Variants in NBPF26 observed in about 807,000 individuals in gnomAD.
NBPF26 encodes NBPF family member NBPF26.
In NBPF26, 79 loss-of-function variants were observed where a neutral mutation model predicts 119.6. The ratio of observed to expected loss-of-function variants is 0.66; its 90% confidence interval spans 0.55 to 0.80. NBPF26 has a LOEUF of 0.80. NBPF26 is among the 30% of genes least tolerant of loss of function. The pLI is 0.00. For synonymous variants in NBPF26, 299 were observed against 457.7 expected (o/e 0.65, Z 4.43); for missense variants, 800 against 1,198.2 (o/e 0.67, Z 4.91).
chr1:120,770,451 G>T (rs1201140398), intron 2 of NBPF26, among the ~76,000 whole-genome samples: 1 of 112,724 alleles, frequency 8.9e-6, no homozygotes, highest in Non-Finnish European at 1.7e-5. Flanking sequence ...TTACAGGCGT[G>T]AGCCACCACA....
chr1:120,822,671 C>T lies in NBPF26; in HGVS notation c.2587+404C>T, dbSNP rs1652144903. Among the ~76,000 whole-genome samples, 2 of 105,606 alleles carry T rather than the reference C, an allele frequency of 1.9e-5. 1 individual carries two copies. The highest frequency in any genetic ancestry group is 9.9e-5 in the African/African-American group (2 of 20,168). The allele number at this position is 105,606 out of a possible 152,430, so 69.3% of individuals were successfully genotyped here. ...AAAGCATGTCTGTGTGGTTCTTTAC[C>T]TGCCCAAGGCCAGTGTCACCCTTGT... is the stretch of plus-strand genomic sequence containing the variant. On this transcript the variant is annotated intron_variant, in intron 16 of 29. Coordinates refer to ENST00000620612, the Ensembl canonical transcript of NBPF26.
intron 1 of NBPF26, among the ~76,000 whole-genome samples, chr1:120,743,703 C>A (rs1650955124): frequency 9.4e-6 from 1 of 106,210 alleles, no homozygotes. Flanking sequence ...GCTGTGGGAC[C>A]TTGTTCATTT....
Position 120,793,685 on chromosome 1 carries a change from T to C in NBPF26, c.751+189T>C, listed in dbSNP as rs1341029357. On this transcript the variant is annotated intron_variant, in intron 4 of 29. Coordinates refer to ENST00000620612, the Ensembl canonical transcript of NBPF26. ...GGTCCATAAACTGAGCAGGGGATAA[T>C]TTAGCATGTCAGGGTTTATGATGAT... 1.5e-5 allele frequency: 9 copies of C among 620,356 alleles called. 2 individuals are homozygous for C. Among genetic ancestry groups the C allele is most frequent in the Non-Finnish European group, 2.6e-5 (9 of 349,964 alleles). 38.4% of individuals were successfully genotyped at this position (620,356 alleles called of 1,614,324 possible). A position where few individuals can be genotyped will look rare whatever the true frequency, so the allele number is the denominator to read the frequency against.
At position 120,811,394 on chromosome 1, in the gene NBPF26, A is replaced by G. The variant is rs1429512762; in HGVS notation, c.1565-492A>G. Among the ~76,000 whole-genome samples the G allele has an allele frequency of 6.4e-5, 7 of 108,830 alleles. 2 individuals carry two copies. Among genetic ancestry groups the G allele is most frequent in the Non-Finnish European group, 1.2e-4 (7 of 56,914 alleles). 71.4% of individuals were successfully genotyped at this position (108,830 alleles called of 152,430 possible). A position where few individuals can be genotyped will look rare whatever the true frequency, so the allele number is the denominator to read the frequency against. ...AACCCCATCTCTACTAAAAATACAA[A>G]AATTAGCTGGCATGTTACTTGGCGC... is the stretch of plus-strand genomic sequence containing the variant. On this transcript the variant is annotated intron_variant, in intron 9 of 29. Coordinates refer to ENST00000620612, the Ensembl canonical transcript of NBPF26.
In NBPF26 at chr1:120,793,325, C is replaced by T. The variant is rs1651514701; in HGVS notation, c.580C>T (p.His194Tyr). 5.0e-6 allele frequency: 7 copies of T among 1,404,384 alleles called. 1 individual carries two copies. In the South Asian group the frequency reaches 8.5e-5, roughly 17 times the overall value. The allele number at this position is 1,404,384 out of a possible 1,614,324, so 87.0% of individuals were successfully genotyped here. A position where few individuals can be genotyped will look rare whatever the true frequency, so the allele number is the denominator to read the frequency against. The change falls in exon 4 of 30, where the codon CAT (histidine) becomes TAT (tyrosine). Residue 194 changes from histidine to tyrosine, a missense_variant. This residue lies in a region of NBPF26 where 209 missense variants were observed against 285.2 expected (regional missense o/e 0.73). Coordinates refer to ENST00000620612, the Ensembl canonical transcript of NBPF26. ...GTGTGACATTCCAGGACACTGCCAG[C>T]ATGGTGGCACCTGCCTCAACCTGCC... is the stretch of plus-strand genomic sequence containing the variant.
chr1:120,840,709 G>C, downstream of NBPF26: 9 of 1,240,290 alleles, frequency 7.3e-6, 1 homozygote, highest in Non-Finnish European at 9.8e-6. Flanking sequence ...GGTTCAGTGG[G>C]CATGGCTCTA....
Position 120,791,548 on chromosome 1 carries a change from C to CA in NBPF26, c.416-1607dup, listed in dbSNP as rs1261288575. Among the ~76,000 whole-genome samples the CA allele has an allele frequency of 2.0e-4, 13 of 64,792 alleles. 2 individuals carry two copies. Among genetic ancestry groups the CA allele is most frequent in the African/African-American group, 4.5e-4 (3 of 6,702 alleles). The allele number at this position is 64,792 out of a possible 152,430, so 42.5% of individuals were successfully genotyped here. On this transcript the variant is annotated intron_variant, in intron 3 of 29. Transcript: ENST00000620612. ...CATTCTCAGCAAACTATTGCAAGGACAAAAAACCAAACACCGCATGTTCTC... is the reference window on the plus strand; with the variant it reads ...CATTCTCAGCAAACTATTGCAAGGACAAAAAAACCAAACACCGCATGTTCTC...
intron 1 of NBPF26, among the ~76,000 whole-genome samples, chr1:120,758,876 T>A: frequency 1.3e-5 from 1 of 78,912 alleles, no homozygotes; most frequent in Non-Finnish European, 2.2e-5. Context: ...GCATACCTCC[T>A]CAGGGAGGCC....
Position 120,840,455 on chromosome 1 carries a change from C to G in NBPF26, c.4209C>G (p.Phe1403Leu). Residue 1403 changes from phenylalanine to leucine, a missense_variant, in exon 30 of 30, where the codon TTC (phenylalanine) becomes TTG (leucine). By Grantham distance (22) the Phe-to-Leu change is conservative. Transcript: ENST00000620612. ...TGTACTTTGAACTACCTGACTCATT[C>G]CAGCACTACAGAAGTGTGTTTTACT... The G allele has an allele frequency of 2.7e-6, 4 of 1,476,988 alleles. 1 individual carries two copies. Among genetic ancestry groups the G allele is most frequent in the Non-Finnish European group, 3.7e-6 (4 of 1,091,020 alleles). The allele number at this position is 1,476,988 out of a possible 1,614,324, so 91.5% of individuals were successfully genotyped here. A position where few individuals can be genotyped will look rare whatever the true frequency, so the allele number is the denominator to read the frequency against.
Position 120,794,563 on chromosome 1 carries a change from A to T in NBPF26, c.751+1067A>T, listed in dbSNP as rs1651536357. Among the ~76,000 whole-genome samples the T allele has an allele frequency of 3.1e-5, 3 of 95,622 alleles. 1 individual carries two copies. The highest frequency in any genetic ancestry group is 2.1e-4 in the Admixed American group (2 of 9,580). 62.7% of individuals were successfully genotyped at this position (95,622 alleles called of 152,430 possible). On this transcript the variant is annotated intron_variant, in intron 4 of 29. Transcript: ENST00000620612. ...TTCTGGTATTGTGGATATGGTTCAC[A>T]TATAATGGGATTGTGTGTTTTATTT... is the stretch of plus-strand genomic sequence containing the variant.
chr1:120,838,474 C>T (rs1652446153), intron 27 of NBPF26, among the ~76,000 whole-genome samples: 1 of 62,194 alleles, frequency 1.6e-5, no homozygotes, highest in Non-Finnish European at 3.0e-5. Context: ...GTCACCTGGA[C>T]AATTCACTGA....
rs1367819031 is a variant in NBPF26 at position 120,810,818 on chromosome 1, G to T, written c.1564+260G>T. Among the ~76,000 whole-genome samples, 2 of 110,372 alleles carry T rather than the reference G, an allele frequency of 1.8e-5. 1 individual carries two copies. Among genetic ancestry groups the T allele is most frequent in the African/African-American group, 1.1e-4 (2 of 18,614 alleles). The allele number at this position is 110,372 out of a possible 152,430, so 72.4% of individuals were successfully genotyped here. ...GAATACAAAAAATTAGGCAGGCATG[G>T]TGCTGCATGCCTATAGTCCCAACTG... On this transcript the variant is annotated intron_variant, in intron 9 of 29. Coordinates refer to ENST00000620612, the Ensembl canonical transcript of NBPF26.
intron 7 of NBPF26, among the ~76,000 whole-genome samples, chr1:120,809,116 TAGTA>T (rs1365626672): frequency 4.2e-4 from 52 of 123,122 alleles, no homozygotes; most frequent in African/African-American, 2.0e-3. Context: ...GCAATGTTCT[TAGTA>T]AGTGTCAGTG....
rs1201295078 is a variant in NBPF26, at chr1:120,755,656, AC to A, written c.74-7971del. Among the ~76,000 whole-genome samples, 3 of 92,378 alleles carry A rather than the reference AC, an allele frequency of 3.2e-5. No individual in the cohort carries two copies. The East Asian group carries it at 7.5e-4, about 23-fold the overall frequency. The allele number at this position is 92,378 out of a possible 152,430, so 60.6% of individuals were successfully genotyped here. A position where few individuals can be genotyped will look rare whatever the true frequency, so the allele number is the denominator to read the frequency against. On this transcript the variant is annotated intron_variant, in intron 1 of 29. Transcript: ENST00000620612. ...AAAATTATTCTAGATTTATCAGCTA[AC>A]TGGAATGATTTTTTTATAGTATGAA...
At position 120,840,377 on chromosome 1, in the gene NBPF26, A is replaced by T. The variant is rs1553273430; in HGVS notation, c.4131A>T (p.Glu1377Asp). The change falls in exon 30 of 30, where the codon GAA (glutamate) becomes GAT (aspartate). Residue 1377 changes from glutamate (E) to aspartate (D), a missense_variant. Physicochemically the swap from Glu to Asp is conservative, Grantham distance 45 (BLOSUM62 2). This residue lies in a region of NBPF26 where 155 missense variants were observed against 95.9 expected (regional missense o/e 1.62). Coordinates refer to ENST00000620612, the Ensembl canonical transcript of NBPF26. Reference sequence around the variant, plus strand: ...TCAACAGCATGCTGATGGAAGTGGAAGAGCCTGAAGTCTTGCAGGACTCAC... The same window carrying T: ...TCAACAGCATGCTGATGGAAGTGGATGAGCCTGAAGTCTTGCAGGACTCAC... 1.1e-4 allele frequency: 159 copies of T among 1,460,832 alleles called. 33 individuals are homozygous for T. Among genetic ancestry groups the T allele is most frequent in the Non-Finnish European group, 1.4e-4 (156 of 1,085,328 alleles). The allele number at this position is 1,460,832 out of a possible 1,614,324, so 90.5% of individuals were successfully genotyped here.
At chr1:120,778,105 G>A (rs1410264930) in intron 2 of NBPF26, among the ~76,000 whole-genome samples, 1 of 85,300 alleles carries the variant, frequency 1.2e-5, no homozygotes, top group Non-Finnish European at 2.1e-5. Flanking sequence ...GAGTAGGGGG[G>A]CAGGAAACTA....
chr1:120,820,458 A>ATATATATGTATATATATATG (rs1652108284), intron 15 of NBPF26, among the ~76,000 whole-genome samples: 7 of 17,938 alleles, frequency 3.9e-4, no homozygotes, highest in African/African-American at 1.4e-3. Context: ...ATATATATAT[A>ATATATATGTATATATATATG]TATATATATA....
chr1:120,841,913 A>G (rs1474287306), downstream of NBPF26, among the ~76,000 whole-genome samples: 1 of 43,396 alleles, frequency 2.3e-5, no homozygotes, highest in East Asian at 4.5e-4. Flanking sequence ...TAAACATTTT[A>G]TCATTTATTA....
At chr1:120,832,712 T>C (rs1652371267) in intron 22 of NBPF26, among the ~76,000 whole-genome samples, 163 bp from the exon 27 acceptor site, 2 of 119,882 alleles carry the variant, frequency 1.7e-5, no homozygotes, top group African/African-American at 9.4e-5. Flanking sequence ...AACCGAGGAA[T>C]TTCTATCATG....
Sources: allele counts gnomAD v4.1 joint callset (sites outside exome capture counted in the v4.1 genomes callset), GRCh38; gene constraint gnomAD v4.1.1; regional missense constraint gnomAD v4.1.1; transcripts MANE v1.5; gene names NCBI Gene and HGNC (gene_info 2026-07-23, HGNC 2026-07-21).